Variants in SNX25 observed in about 807,000 individuals in gnomAD.
The protein encoded by SNX25 is sorting nexin 25.
A neutral mutation model predicts 113.7 loss-of-function variants in SNX25; 62 were observed. That is an observed-to-expected ratio of 0.55 (90% CI 0.44 to 0.67). The LOEUF is 0.67. SNX25 is among the 30% of genes least tolerant of loss of function. SNX25 has a pLI of 0.00. For missense variants in SNX25, 1,014 were observed against 1,161.0 expected (o/e 0.87, Z 1.84); for synonymous variants, 421 against 436.2 (o/e 0.97, Z 0.43).
In SNX25 at chr4:185,361,928, A is replaced by G; in HGVS notation, c.2656A>G (p.Ile886Val). 1 of 1,613,950 alleles carries G rather than the reference A, an allele frequency of 6.2e-7. No homozygotes were observed. The highest frequency in any genetic ancestry group is 8.5e-7 in the Non-Finnish European group (1 of 1,179,908). Residue 886 changes from isoleucine to valine, a missense_variant, in exon 17 of 19, where the codon ATC becomes GTC. By Grantham distance (29) the Ile-to-Val change is conservative (BLOSUM62 3). Coordinates refer to ENST00000652585, the MANE Select transcript of SNX25 (RefSeq NM_001378034.2). The part of the protein sequence containing the change: ...VTFGRTINKQ[I>V]RDTVSWIFSE... ...GAAATCTTTTTCTCTTAAAAGACAA[A>G]TCCGGGACACAGTCAGCTGGATTTT...
In SNX25 at chr4:185,262,355, A is replaced by G. The variant is rs753137454; in HGVS notation, c.732-2083A>G. ...CTCCAGCATGTTTTGGGAAAATCTA[A>G]AAATGATTGCTTTTATACTATTATT... On this transcript the variant is annotated intron_variant, in intron 3 of 18. Transcript: ENST00000652585. Among the ~76,000 whole-genome samples, 204 of 152,198 alleles carry G rather than the reference A, an allele frequency of 1.3e-3. 9 individuals are homozygous for G. Among genetic ancestry groups the G allele is most frequent in the Non-Finnish European group, 3.5e-4 (24 of 68,022 alleles).
At chr4:185,239,327 CA>C (rs746514279) in intron 1 of SNX25, among the ~76,000 whole-genome samples, 3 of 151,792 alleles carry the variant, frequency 2.0e-5, no homozygotes, top group Non-Finnish European at 2.9e-5. Flanking sequence ...ACTAAAAATG[CA>C]AAAAATTAGC....
intron 12 of SNX25, among the ~76,000 whole-genome samples, chr4:185,343,056 A>C (rs927437443): frequency 5.9e-5 from 9 of 152,042 alleles, no homozygotes; most frequent in Non-Finnish European, 1.2e-4. Context: ...ACACCCGGCT[A>C]ATTTTTGTAT....
At chr4:185,310,030 GAC>G (rs1755024061) in intron 6 of SNX25, among the ~76,000 whole-genome samples, 1 of 152,126 alleles carries the variant, frequency 6.6e-6, no homozygotes, top group South Asian at 2.1e-4. Flanking sequence ...TTCTCACTTT[GAC>G]ACTCGCTATT....
intron 5 of SNX25, among the ~76,000 whole-genome samples, chr4:185,287,348 C>T (rs946695256): frequency 6.6e-6 from 1 of 152,272 alleles, no homozygotes; most frequent in Middle Eastern, 3.4e-3. Flanking sequence ...AATACTGATG[C>T]GAGTCCTGGT....
intron 10 of SNX25, among the ~76,000 whole-genome samples, chr4:185,335,068 C>T (rs1031887797): frequency 6.6e-6 from 1 of 151,970 alleles, no homozygotes; most frequent in Non-Finnish European, 1.5e-5. Flanking sequence ...GCCTGTAATC[C>T]CAGCACTTTG....
intron 1 of SNX25, among the ~76,000 whole-genome samples, chr4:185,239,452 C>G (rs908957469): frequency 1.7e-4 from 26 of 150,642 alleles, no homozygotes; most frequent in Non-Finnish European, 3.1e-4. Flanking sequence ...CGCTGCACTC[C>G]AGCCTGGCAA....
intron 1 of SNX25, among the ~76,000 whole-genome samples, chr4:185,244,855 G>A (rs1013840419): frequency 6.6e-6 from 1 of 152,058 alleles, no homozygotes; most frequent in African/African-American, 2.4e-5. Context: ...AAGGTCACCA[G>A]GAGACTTTTG....
intron 2 of SNX25, among the ~76,000 whole-genome samples, chr4:185,256,624 C>CTTTTTT (rs35160292): frequency 2.7e-5 from 3 of 112,578 alleles, no homozygotes; most frequent in Non-Finnish European, 3.6e-5. Flanking sequence ...ACCTAAATTT[C>CTTTTTT]TTTTTTTTTT....
At chr4:185,298,130 C>G (rs6847192) in intron 6 of SNX25, among the ~76,000 whole-genome samples, 48,701 of 147,484 alleles carry the variant, frequency 0.33, 8,792 homozygotes, top group East Asian at 0.49. Flanking sequence ...ACTCTGTCAC[C>G]CAGACTGCAG....
intron 1 of SNX25, among the ~76,000 whole-genome samples, chr4:185,237,933 C>CGTACCTGTACCT (rs1560919051): frequency 6.0e-5 from 9 of 151,194 alleles, no homozygotes; most frequent in Admixed American, 1.3e-4. Context: ...CGTGGTGGCA[C>CGTACCTGTACCT]GTACCTGTAG....
chr4:185,276,653 T>C (rs1389037095), intron 5 of SNX25, among the ~76,000 whole-genome samples: 1 of 152,092 alleles, frequency 6.6e-6, no homozygotes, highest in Admixed American at 6.5e-5. Context: ...CTGGGCAACA[T>C]AGTGAGACCT....
intron 5 of SNX25, 149 bp from the exon 6 acceptor site, chr4:185,287,863 C>A: frequency 1.6e-6 from 1 of 614,228 alleles, no homozygotes; most frequent in Admixed American, 3.5e-5. Context: ...TGTAGATGCT[C>A]GGTCTATGTC....
chr4:185,362,798 G>A lies in SNX25; in HGVS notation c.2934+87G>A. On this transcript the variant is annotated intron_variant, in intron 18 of 18. Transcript: ENST00000652585. The stretch of plus-strand genomic sequence containing the variant: ...AGAAAAAACATGTGCCCCAGTGGCT[G>A]CAGCACTCTCATTCTCACATACTAG... 4 of 931,248 alleles carry A rather than the reference G, an allele frequency of 4.3e-6. No individual in the cohort carries two copies. In the South Asian group the frequency reaches 4.4e-5, roughly 10 times the overall value. 57.7% of individuals were successfully genotyped at this position (931,248 alleles called of 1,614,324 possible). A position where few individuals can be genotyped will look rare whatever the true frequency, so the allele number is the denominator to read the frequency against.
At chr4:185,224,648 AATAT>A (rs1168075524) in intron 1 of SNX25, among the ~76,000 whole-genome samples, 2 of 146,992 alleles carry the variant, frequency 1.4e-5, no homozygotes, top group Non-Finnish European at 3.0e-5. Context: ...TAGATATAAA[AATAT>A]ATATAAGTAT....
At chr4:185,345,479 C>A (rs752303844) in intron 12 of SNX25, among the ~76,000 whole-genome samples, 3 of 152,186 alleles carry the variant, frequency 2.0e-5, no homozygotes, top group Non-Finnish European at 4.4e-5. Flanking sequence ...AATATACTTA[C>A]AATCTACAGT....
At chr4:185,236,497 G>T (rs1742668513) in intron 1 of SNX25, among the ~76,000 whole-genome samples, 1 of 151,862 alleles carries the variant, frequency 6.6e-6, no homozygotes, top group Non-Finnish European at 1.5e-5. Flanking sequence ...CATTTTTGGT[G>T]GTACCAGTAG....
At chr4:185,304,997 C>T (rs1033796251) in intron 6 of SNX25, among the ~76,000 whole-genome samples, 2 of 152,060 alleles carry the variant, frequency 1.3e-5, no homozygotes, top group South Asian at 2.1e-4. Flanking sequence ...AAGGAGGGTG[C>T]GGCCTTGTCC....
rs116359547 is a variant in SNX25, at chr4:185,272,489, G to A, written c.1091+5334G>A. ...CATTGTGTAATCCTGCAGTGCATTT[G>A]TAAACTGTGTGCTAATGAAAATGGT... is the stretch of plus-strand genomic sequence containing the variant. On this transcript the variant is annotated intron_variant, in intron 5 of 18. Transcript: ENST00000652585. Among the ~76,000 whole-genome samples the A allele has an allele frequency of 2.1e-3, 323 of 152,296 alleles. 1 individual carries two copies. Among genetic ancestry groups the A allele is most frequent in the South Asian group, 9.4e-3 (45 of 4,808 alleles).
Sources: allele counts gnomAD v4.1 joint callset (sites outside exome capture counted in the v4.1 genomes callset), GRCh38; gene constraint gnomAD v4.1.1; transcripts MANE v1.5; gene names NCBI Gene and HGNC (gene_info 2026-07-23, HGNC 2026-07-21).